The following FAT3 variants were observed in gnomAD, a reference collection of about 807,000 sequenced individuals.
FAT3 encodes the protein protocadherin Fat 3.
Under a neutral mutation model 310.2 loss-of-function variants are expected in FAT3, and 95 were observed. The ratio of observed to expected loss-of-function variants is 0.31; its 90% CI spans 0.26 to 0.36. The LOEUF (loss-of-function observed/expected upper bound fraction) is 0.36, where lower values mean the gene tolerates loss of function less well. FAT3 is among the 10% of genes least tolerant of loss of function. The pLI is 1.00. For synonymous variants in FAT3, 2,314 were observed against 2,192.9 expected, an observed-to-expected ratio of 1.06 and a Z score of -1.54; for missense variants, 5,408 against 5,715.6, an observed-to-expected ratio of 0.95 and a Z score of 1.74.
intron 3 of FAT3, among the ~76,000 whole-genome samples, chr11:92,527,707 G>C (rs1953916060): frequency 6.6e-6 from 1 of 152,004 alleles, no homozygotes; most frequent in African/African-American, 2.4e-5. Flanking sequence ...CTCTCTAATA[G>C]AAGTCTTAAT....
chr11:92,761,369 C>A (rs1022295146), intron 4 of FAT3, among the ~76,000 whole-genome samples: 1 of 152,210 alleles, frequency 6.6e-6, no homozygotes, highest in African/African-American at 2.4e-5. Context: ...AAGGCCCCAC[C>A]TCCTAATACT....
At chr11:92,424,330 T>G (rs1950587651) in intron 2 of FAT3, among the ~76,000 whole-genome samples, 1 of 152,148 alleles carries the variant, frequency 6.6e-6, no homozygotes, top group African/African-American at 2.4e-5. Context: ...CAAAGCTGTT[T>G]TAATATTTTA....
At chr11:92,334,425 G>A (rs1948000839) in intron 1 of FAT3, among the ~76,000 whole-genome samples, 1 of 152,030 alleles carries the variant, frequency 6.6e-6, no homozygotes, top group South Asian at 2.1e-4. Flanking sequence ...TTAAAAGTAA[G>A]AGTAATGCAT....
In FAT3 at chr11:92,730,371, T is replaced by A. The variant is rs113967853; in HGVS notation, c.3670-31485T>A. On this transcript the variant is annotated intron_variant, in intron 4 of 27. Coordinates refer to ENST00000525166, the MANE Select transcript of FAT3 (RefSeq NM_001367949.2). ...AAATTAATATATCAAAATTTTGATA[T>A]ATAAACTCTGAGCTTTAGAGTTTGC... 7.5e-3 allele frequency among the ~76,000 whole-genome samples: 1,142 copies of A among 152,300 alleles called. 15 individuals are homozygous for A. The highest frequency in any genetic ancestry group is 0.026 in the African/African-American group (1,081 of 41,556).
intron 1 of FAT3, among the ~76,000 whole-genome samples, 144 bp downstream of exon 1, chr11:92,225,318 A>G (rs1766855684): frequency 6.6e-6 from 1 of 152,042 alleles, no homozygotes; most frequent in African/African-American, 2.4e-5. Flanking sequence ...GCGTGGGGGA[A>G]ACTTTTCACC....
intron 1 of FAT3, among the ~76,000 whole-genome samples, chr11:92,308,624 G>C (rs968740765): frequency 1.3e-5 from 2 of 152,146 alleles, no homozygotes; most frequent in African/African-American, 2.4e-5. Flanking sequence ...GCAATCATTA[G>C]AGCCCCTTGT....
intron 3 of FAT3, among the ~76,000 whole-genome samples, chr11:92,535,395 G>T (rs552583101): frequency 6.6e-6 from 1 of 152,296 alleles, no homozygotes; most frequent in African/African-American, 2.4e-5. Context: ...AGAACTCTAT[G>T]AGAATAAATA....
intron 4 of FAT3, among the ~76,000 whole-genome samples, chr11:92,727,774 C>G (rs1469332635): frequency 6.6e-6 from 1 of 152,202 alleles, no homozygotes; most frequent in Non-Finnish European, 1.5e-5. Context: ...AAGTGACAGG[C>G]TCCACTTTCC....
At chr11:92,363,560 C>T (rs972266114) in intron 2 of FAT3, among the ~76,000 whole-genome samples, 1 of 152,170 alleles carries the variant, frequency 6.6e-6, no homozygotes, top group African/African-American at 2.4e-5. Context: ...AGGAATAAGA[C>T]AGATGTTATT....
chr11:92,800,492 C>T lies in FAT3; in HGVS notation c.7479C>T (p.Ser2493=). 6.2e-7 allele frequency: 1 copy of T among 1,613,954 alleles called. No homozygotes were observed. Among genetic ancestry groups the T allele is most frequent in the Non-Finnish European group, 8.5e-7 (1 of 1,179,870 alleles). Residue 2493 remains serine (S), a synonymous_variant, in exon 10 of 28, where the codon AGC becomes AGT. Transcript: ENST00000525166. The part of the protein sequence containing the change: ...HIRVLGANLY[S]PAFSQSTYVA... ...GGGTACTTGGGGCTAACTTGTACAG[C>T]CCTGCCTTTTCACAAAGCACATACG... is the stretch of plus-strand genomic sequence containing the variant.
At chr11:92,690,577 TTTTTTTCTTTCTGGTA>T (rs1402250586) in intron 3 of FAT3, among the ~76,000 whole-genome samples, 3 of 152,176 alleles carry the variant, frequency 2.0e-5, no homozygotes, top group Admixed American at 6.5e-5. Context: ...TGTATATATA[TTTTTTTCTTTCTGGTA>T]TTTTTTCTTT....
intron 2 of FAT3, among the ~76,000 whole-genome samples, chr11:92,446,655 C>A (rs1039908172): frequency 6.6e-6 from 1 of 152,086 alleles, no homozygotes; most frequent in Admixed American, 6.6e-5. Context: ...CTACCATTTT[C>A]TTGAATATAA....
chr11:92,520,058 G>A (rs545331826), intron 2 of FAT3, among the ~76,000 whole-genome samples: 2 of 152,142 alleles, frequency 1.3e-5, no homozygotes, highest in East Asian at 3.9e-4. Context: ...AGCTTTATTT[G>A]TAATGGTTAA....
intron 3 of FAT3, among the ~76,000 whole-genome samples, chr11:92,678,739 T>C (rs769036403): frequency 1.3e-5 from 2 of 152,202 alleles, no homozygotes; most frequent in Non-Finnish European, 2.9e-5. Flanking sequence ...AATAATTTAA[T>C]TGCTTAGTAA....
chr11:92,838,591 A>G (rs1948462594), intron 17 of FAT3, among the ~76,000 whole-genome samples: 1 of 152,178 alleles, frequency 6.6e-6, no homozygotes, highest in African/African-American at 2.4e-5. Flanking sequence ...TAGAGAAGAC[A>G]GAGTGATATG....
intron 2 of FAT3, among the ~76,000 whole-genome samples, chr11:92,513,948 C>T (rs1953391748): frequency 6.6e-6 from 1 of 152,120 alleles, no homozygotes; most frequent in Non-Finnish European, 1.5e-5. Context: ...TCATTTTAGA[C>T]TTGGCATGTG....
intron 3 of FAT3, among the ~76,000 whole-genome samples, chr11:92,644,211 A>G (rs1321878592): frequency 6.6e-6 from 1 of 152,178 alleles, no homozygotes; most frequent in Admixed American, 6.5e-5. Context: ...CTTTTTAGTA[A>G]AAGTGCCTCC....
chr11:92,682,004 TGGTGGA>T (rs1196345257), intron 3 of FAT3, among the ~76,000 whole-genome samples: 2 of 152,222 alleles, frequency 1.3e-5, no homozygotes, highest in Non-Finnish European at 2.9e-5. Context: ...TGTGGTTACA[TGGTGGA>T]GTAATTCTAC....
chr11:92,864,001 G>T (rs1486924605), intron 21 of FAT3, among the ~76,000 whole-genome samples: 1 of 152,104 alleles, frequency 6.6e-6, no homozygotes, highest in Non-Finnish European at 1.5e-5. Context: ...TAGGCATCTG[G>T]CTTCCTTCAT....
Sources: gnomAD v4.1 joint callset for allele counts (sites outside exome capture counted in the v4.1 genomes callset) on GRCh38, gnomAD v4.1.1 for gene constraint, MANE v1.5 for transcripts, NCBI Gene and HGNC (gene_info 2026-07-23, HGNC 2026-07-21) for gene names.